RNF213: variants seen among roughly 807,000 people sequenced by gnomAD.
The protein encoded by RNF213 is E3 ubiquitin-protein ligase RNF213.
In RNF213, 341 loss-of-function variants were observed where a neutral mutation model predicts 514.4. That is an observed-to-expected ratio of 0.66 (90% CI 0.61 to 0.73). The LOEUF is 0.73. Ranked by LOEUF, RNF213 falls within the 30% of genes least tolerant of loss-of-function variation. The probability of loss-of-function intolerance (pLI) is 0.00; values close to 1 mark genes in which losing one functional copy is unlikely to be tolerated. For missense variants in RNF213, 5,767 were observed against 6,615.6 expected (o/e 0.87, Z 4.45); for synonymous variants, 2,655 against 2,658.2 (o/e 1.00, Z 0.04).
At position 80,288,703 on chromosome 17, in the gene RNF213, A is replaced by G. The variant is rs1193183173; in HGVS notation, c.881A>G (p.Gln294Arg). Residue 294 changes from glutamine (Q) to arginine (R), a missense_variant, in exon 5 of 68, where the codon CAG becomes CGG. Transcript: ENST00000582970. This position sits in a 1 kb window ranked among gnomAD's most constrained non-coding sequence, Gnocchi z 4.9. ...GAGKEMKEKTQRMKQPPATTP... is the reference protein window; with the variant it reads ...GAGKEMKEKTRRMKQPPATTP... Reference sequence around the variant, plus strand: ...GGGAAGGAAATGAAAGAGAAGACCCAGAGAATGAAACAGCCACCAGCAACC... The same window carrying G: ...GGGAAGGAAATGAAAGAGAAGACCCGGAGAATGAAACAGCCACCAGCAACC... 5.0e-6 allele frequency: 8 copies of G among 1,614,128 alleles called. No homozygotes were observed. Among genetic ancestry groups the G allele is most frequent in the Non-Finnish European group, 5.9e-6 (7 of 1,180,052 alleles).
chr17:80,347,077 C>T lies in RNF213; in HGVS notation c.8742C>T (p.Ala2914=), dbSNP rs1310666680. 1.9e-6 allele frequency: 3 copies of T among 1,614,118 alleles called. No homozygotes were observed. Among genetic ancestry groups the T allele is most frequent in the East Asian group, 2.2e-5 (1 of 44,876 alleles). ...ACGAGACAGAGCTCATAGAGAGCGC[C>T]AAGGGCATCTGCTCCTCAGACATCC... ...SPNETELIES[A]KGICSSDILV... Residue 2914 remains alanine (A), a synonymous_variant, in exon 29 of 68, where the codon GCC becomes GCT. Coordinates refer to ENST00000582970, the MANE Select transcript of RNF213 (RefSeq NM_001256071.3). The surrounding 1 kb of genome is among the most constrained non-coding windows in gnomAD (Gnocchi z 7.2).
At chr17:80,390,966 G>A (rs550805243) in intron 67 of RNF213, among the ~76,000 whole-genome samples, 1 of 152,230 alleles carries the variant, frequency 6.6e-6, no homozygotes, top group East Asian at 2.0e-4. Flanking sequence ...GGAGGCTGAG[G>A]CAGGAGAATT....
In RNF213 at chr17:80,263,482, CAG is replaced by C; in HGVS notation, c.-108-89_-108-88del. ...AAGCTTGAGAGCCAAGGGGGCAGCA[CAG>C]AGCGGGGAGGGGCTGGGCTTGGGCT... On this transcript the variant is annotated intron_variant, in intron 1 of 67. Coordinates refer to ENST00000582970, the MANE Select transcript of RNF213 (RefSeq NM_001256071.3). The surrounding 1 kb of genome is among the most constrained non-coding windows in gnomAD (Gnocchi z 4.9). 1.6e-6 allele frequency: 1 copy of C among 616,162 alleles called. No individual in the cohort carries two copies. The highest frequency in any genetic ancestry group is 1.8e-5 in the South Asian group (1 of 56,320). 38.2% of individuals were successfully genotyped at this position (616,162 alleles called of 1,614,324 possible). A position where few individuals can be genotyped will look rare whatever the true frequency, so the allele number is the denominator to read the frequency against.
In RNF213 at chr17:80,347,353, C is replaced by T. The variant is rs759509360; in HGVS notation, c.9018C>T (p.Ala3006=). ...LDIFLANLPE[A]KCSEEVSPMQ... is the part of the protein sequence containing the mutation. ...TCTTTCTGGCCAATTTGCCCGAGGC[C>T]AAGTGCTCAGAGGAAGTCAGCCCCA... Residue 3006 remains alanine (A), a synonymous_variant, in exon 29 of 68, where the codon GCC becomes GCT. Transcript: ENST00000582970. This position sits in a 1 kb window ranked among gnomAD's most constrained non-coding sequence, Gnocchi z 7.2. The T allele has an allele frequency of 6.2e-7, 1 of 1,613,940 alleles. No homozygotes were observed. Among genetic ancestry groups the T allele is most frequent in the South Asian group, 1.1e-5 (1 of 91,084 alleles).
At chr17:80,271,029 C>A (rs1169698909) in intron 2 of RNF213, among the ~76,000 whole-genome samples, 3 of 152,074 alleles carry the variant, frequency 2.0e-5, no homozygotes, top group Non-Finnish European at 2.9e-5. Context: ...TGGCCCTTCC[C>A]TTAGTCAATC....
chr17:80,261,530 A>G (rs2043422624), intron 1 of RNF213, among the ~76,000 whole-genome samples: 1 of 152,146 alleles, frequency 6.6e-6, no homozygotes, highest in Admixed American at 6.5e-5. Context: ...CTGTGCAAAC[A>G]TGGTGGTGGC....
At chr17:80,313,818 ATGGTGGTGGTGG>A (rs1568052164) in intron 15 of RNF213, among the ~76,000 whole-genome samples, 1,776 of 37,492 alleles carry the variant, frequency 0.047, 67 homozygotes, top group Non-Finnish European at 0.068. Flanking sequence ...AATGGAGGTG[ATGGTGGTGGTGG>A]AGGTGATGGT....
At chr17:80,382,831 A>G (rs1203858070) in intron 57 of RNF213, 148 bp from the exon 58 acceptor site, 2 of 652,452 alleles carry the variant, frequency 3.1e-6, no homozygotes, top group Non-Finnish European at 5.7e-6. Flanking sequence ...AACAACAGGA[A>G]CTACTTCAAA....
rs1334079483 is a variant in RNF213 at position 80,367,677 on chromosome 17, CCTCT to C, written c.11872-70_11872-67del. 1.0e-5 allele frequency: 12 copies of C among 1,203,120 alleles called. No homozygotes were observed. The African/African-American group carries it at 1.3e-4, about 13-fold the overall frequency. The allele number at this position is 1,203,120 out of a possible 1,614,324, so 74.5% of individuals were successfully genotyped here. On this transcript the variant is annotated intron_variant, in intron 42 of 67. Coordinates refer to ENST00000582970, the MANE Select transcript of RNF213 (RefSeq NM_001256071.3). ...AGCCTTGGCCCTGAATGTGGTGCTC[CCTCT>C]GTCGCCCGGCCTGGCCGCCCTCAGC...
intron 46 of RNF213, among the ~76,000 whole-genome samples, chr17:80,370,385 G>C (rs1248819706): frequency 1.3e-5 from 2 of 152,350 alleles, no homozygotes; most frequent in African/African-American, 2.4e-5. Context: ...CCTTGGGTGT[G>C]AGGTAGGTCT....
chr17:80,307,357 C>T (rs563994248), intron 13 of RNF213, among the ~76,000 whole-genome samples, 156 bp downstream of exon 13: 2 of 132,422 alleles, frequency 1.5e-5, no homozygotes, highest in South Asian at 4.9e-4. Context: ...TTAATATTGT[C>T]GTCTGTTTTT....
intron 11 of RNF213, among the ~76,000 whole-genome samples, chr17:80,299,754 C>G (rs1378239956): frequency 6.6e-6 from 1 of 152,016 alleles, no homozygotes; most frequent in East Asian, 1.9e-4. Flanking sequence ...GTGTTGTTCC[C>G]CTCTATGTGT....
At chr17:80,392,615 T>C (rs1280781396) in intron 67 of RNF213, among the ~76,000 whole-genome samples, 1 of 152,048 alleles carries the variant, frequency 6.6e-6, no homozygotes, top group Non-Finnish European at 1.5e-5. Context: ...GTTTTTTTTT[T>C]TTCTCGCTCT....
chr17:80,389,154 C>T lies in RNF213; in HGVS notation c.15001-19C>T. On this transcript the variant is annotated intron_variant, in intron 64 of 67. Transcript: ENST00000582970. Reference sequence around the variant, plus strand: ...AAACCCAGCCCACAGACATCCCTCTCCTGCTTTTCATTTCCCAGGACTCCC... The same window carrying T: ...AAACCCAGCCCACAGACATCCCTCTTCTGCTTTTCATTTCCCAGGACTCCC... 6.2e-7 allele frequency: 1 copy of T among 1,613,054 alleles called. No homozygotes were observed. The highest frequency in any genetic ancestry group is 8.5e-7 in the Non-Finnish European group (1 of 1,179,098).
In RNF213 at chr17:80,396,744, CCCA is replaced by C. The variant is rs2080673554; in HGVS notation, c.*3247_*3249del. 3 of 101,176 alleles carry C rather than the reference CCCA, an allele frequency of 3.0e-5. No individual in the cohort carries two copies. Among genetic ancestry groups the C allele is most frequent in the African/African-American group, 1.0e-4 (3 of 29,442 alleles). 6.3% of individuals were successfully genotyped at this position (101,176 alleles called of 1,614,324 possible). ...GTGCATTTCCCCCCCACCCCCCCCC[CCCA>C]ACCAGAGCAACTTTGGTCAGAAGTC... On this transcript the variant is annotated 3_prime_UTR_variant, in exon 68 of 68. Transcript: ENST00000582970.
Position 80,345,464 on chromosome 17 carries a change from C to T in RNF213, c.7129C>T (p.Leu2377Phe). The T allele has an allele frequency of 6.2e-7, 1 of 1,611,406 alleles. No homozygotes were observed. The highest frequency in any genetic ancestry group is 8.5e-7 in the Non-Finnish European group (1 of 1,178,118). Residue 2377 changes from leucine to phenylalanine, a missense_variant, in exon 29 of 68, where the codon CTC becomes TTC. By Grantham distance (22) the Leu-to-Phe change is conservative. Around this residue, in one of 13 missense-constraint regions of RNF213, gnomAD observed 1,377 missense variants for 1,635.2 expected, o/e 0.84. Coordinates refer to ENST00000582970, the MANE Select transcript of RNF213 (RefSeq NM_001256071.3). The surrounding 1 kb of genome is among the most constrained non-coding windows in gnomAD (Gnocchi z 6.0). Reference protein sequence around the residue: ...KLPRHKKLERLCLTLGIPQAT... With the variant: ...KLPRHKKLERFCLTLGIPQAT... ...GCCCAGACACAAGAAACTTGAGAGG[C>T]TCTGCCTGACCTTAGGGATCCCCCA...
At chr17:80,270,036 CTG>C (rs2145121653) in intron 2 of RNF213, among the ~76,000 whole-genome samples, 1 of 152,348 alleles carries the variant, frequency 6.6e-6, no homozygotes, top group Admixed American at 6.5e-5. Flanking sequence ...TGGGCCAGGA[CTG>C]TCACATTCCC....
intron 57 of RNF213, 144 bp downstream of exon 57, chr17:80,381,871 G>C: frequency 1.1e-5 from 9 of 830,290 alleles, no homozygotes; most frequent in Non-Finnish European, 1.4e-5. Context: ...AACACACAGA[G>C]AGAAAACCGT....
chr17:80,364,795 G>C (rs1445494285), intron 42 of RNF213: 2 of 511,018 alleles, frequency 3.9e-6, no homozygotes, highest in African/African-American at 3.9e-5. Context: ...TCCAGGAACT[G>C]TGTGCAGAAA....
Sources: allele counts gnomAD v4.1 joint callset (sites outside exome capture counted in the v4.1 genomes callset), GRCh38; gene constraint gnomAD v4.1.1; regional missense constraint gnomAD v4.1.1; non-coding constraint Gnocchi (gnomAD v3.1); transcripts MANE v1.5; gene names NCBI Gene and HGNC (gene_info 2026-07-23, HGNC 2026-07-21).